ZNF778: variants seen among roughly 807,000 people sequenced by gnomAD.
ZNF778 encodes zinc finger protein 778.
A neutral mutation model predicts 23.9 loss-of-function variants in ZNF778; 37 were observed. That is an observed-to-expected ratio of 1.54 (90% CI 1.19 to 2.03). The LOEUF is 2.03. ZNF778 is among the 30% of genes most tolerant of loss of function. The pLI is 0.00. For synonymous variants in ZNF778, 483 were observed against 343.9 expected, an observed-to-expected ratio of 1.40 and a Z score of -4.48; for missense variants, 1,297 against 934.4, an observed-to-expected ratio of 1.39 and a Z score of -5.06.
Position 89,228,859 on chromosome 16 carries a change from C to T in ZNF778, c.*297C>T. On this transcript the variant is annotated 3_prime_UTR_variant, in exon 7 of 7. Coordinates refer to ENST00000433976, the MANE Select transcript of ZNF778 (RefSeq NM_001201407.2). ...CAGTACTTTGATGATCCCTTGTGATCTCACAATGAAGAAAAACCTTAGGAG... is the reference window on the plus strand; with the variant it reads ...CAGTACTTTGATGATCCCTTGTGATTTCACAATGAAGAAAAACCTTAGGAG... 1 of 1,086,308 alleles carries T rather than the reference C, an allele frequency of 9.2e-7. No individual in the cohort carries two copies. Among genetic ancestry groups the T allele is most frequent in the Non-Finnish European group, 1.1e-6 (1 of 894,810 alleles). The allele number at this position is 1,086,308 out of a possible 1,614,324, so 67.3% of individuals were successfully genotyped here.
At position 89,233,654 on chromosome 16, in the gene ZNF778, T is replaced by G. The variant is rs1286587800; in HGVS notation, c.*5092T>G. ...TATGCAACTCAGCTCGCTCTGCATA[T>G]GCAATTCAACTCGCACTGCGTATGC... On this transcript the variant is annotated 3_prime_UTR_variant, in exon 7 of 7. Coordinates refer to ENST00000433976, the MANE Select transcript of ZNF778 (RefSeq NM_001201407.2). 4.7e-6 allele frequency: 6 copies of G among 1,282,778 alleles called. No individual in the cohort carries two copies. The highest frequency in any genetic ancestry group is 6.1e-6 in the Non-Finnish European group (6 of 985,422). The allele number at this position is 1,282,778 out of a possible 1,614,324, so 79.5% of individuals were successfully genotyped here.
chr16:89,232,680 G>T lies in ZNF778; in HGVS notation c.*4118G>T. 8.1e-7 allele frequency: 1 copy of T among 1,235,284 alleles called. No homozygotes were observed. Among genetic ancestry groups the T allele is most frequent in the Non-Finnish European group, 1.0e-6 (1 of 959,734 alleles). 76.5% of individuals were successfully genotyped at this position (1,235,284 alleles called of 1,614,324 possible). On this transcript the variant is annotated 3_prime_UTR_variant, in exon 7 of 7. Transcript: ENST00000433976. ...TTGTTAGGGTACATTTTCATCCTGG[G>T]GTCTTGCTGTGGGGGCTAGACCGTC... is the stretch of plus-strand genomic sequence containing the variant.
chr16:89,222,287 G>A (rs148835367), intron 3 of ZNF778, 104 bp downstream of exon 3: 16 of 801,600 alleles, frequency 2.0e-5, no homozygotes, highest in African/African-American at 1.2e-4. Context: ...CTCAAGGACC[G>A]AGTCCCTAGT....
chr16:89,232,469 C>T lies in ZNF778; in HGVS notation c.*3907C>T. ...GCATGATGGAAAACTGGGTTATGGG[C>T]AGGACTGCAAGTACTGGTTAGGCAG... On this transcript the variant is annotated 3_prime_UTR_variant, in exon 7 of 7. Coordinates refer to ENST00000433976, the MANE Select transcript of ZNF778 (RefSeq NM_001201407.2). The T allele has an allele frequency of 2.5e-6, 1 of 405,894 alleles. No homozygotes were observed. Among genetic ancestry groups the T allele is most frequent in the Non-Finnish European group, 4.2e-6 (1 of 235,498 alleles). 25.1% of individuals were successfully genotyped at this position (405,894 alleles called of 1,614,324 possible). A position where few individuals can be genotyped will look rare whatever the true frequency, so the allele number is the denominator to read the frequency against.
At chr16:89,226,470 T>C (rs1260799372) in intron 6 of ZNF778, among the ~76,000 whole-genome samples, 1 of 152,120 alleles carries the variant, frequency 6.6e-6, no homozygotes, top group African/African-American at 2.4e-5. Context: ...CTCCCAAAGT[T>C]CTGGGATTAC....
At position 89,231,685 on chromosome 16, in the gene ZNF778, A is replaced by C. The variant is rs2031933663; in HGVS notation, c.*3123A>C. 1 of 152,124 alleles carries C rather than the reference A, an allele frequency of 6.6e-6. No homozygotes were observed. Among genetic ancestry groups the C allele is most frequent in the South Asian group, 2.1e-4 (1 of 4,824 alleles). The allele number at this position is 152,124 out of a possible 1,614,324, so 9.4% of individuals were successfully genotyped here. ...CCCTGCACCCCTTGCCTGTAGGAAA[A>C]TCTGGTAGGAGTTAGTAGTGTCTGT... On this transcript the variant is annotated 3_prime_UTR_variant, in exon 7 of 7. Coordinates refer to ENST00000433976, the MANE Select transcript of ZNF778 (RefSeq NM_001201407.2).
chr16:89,232,874 CGTATG>C lies in ZNF778; in HGVS notation c.*4313_*4317del, dbSNP rs1567514521. The stretch of plus-strand genomic sequence containing the variant: ...CGTGTATGCAAATCAACTCGCACTG[CGTATG>C]CAACTCAACTCGCACTGCGTATGCA... On this transcript the variant is annotated 3_prime_UTR_variant, in exon 7 of 7. Coordinates refer to ENST00000433976, the MANE Select transcript of ZNF778 (RefSeq NM_001201407.2). 18 of 1,211,464 alleles carry C rather than the reference CGTATG, an allele frequency of 1.5e-5. No individual in the cohort carries two copies. The African/African-American group carries it at 4.1e-4, about 27-fold the overall frequency. The allele number at this position is 1,211,464 out of a possible 1,614,324, so 75.0% of individuals were successfully genotyped here.
Position 89,234,003 on chromosome 16 carries a change from T to G in ZNF778, c.*5441T>G. The G allele has an allele frequency of 2.5e-6, 3 of 1,188,918 alleles. No individual in the cohort carries two copies. Among genetic ancestry groups the G allele is most frequent in the Non-Finnish European group, 3.3e-6 (3 of 897,160 alleles). 73.6% of individuals were successfully genotyped at this position (1,188,918 alleles called of 1,614,324 possible). A position where few individuals can be genotyped will look rare whatever the true frequency, so the allele number is the denominator to read the frequency against. On this transcript the variant is annotated 3_prime_UTR_variant, in exon 7 of 7. Coordinates refer to ENST00000433976, the MANE Select transcript of ZNF778 (RefSeq NM_001201407.2). ...GACTTCATCCTGCCCTGTCCTGCCT[T>G]TCCTGTGAAAACCCTGTGGCCTCTG...
rs772435893 is a variant in ZNF778 at position 89,227,716 on chromosome 16, A to G, written c.1428A>G (p.Pro476=). 1.2e-5 allele frequency: 20 copies of G among 1,613,574 alleles called. No individual in the cohort carries two copies. Among genetic ancestry groups the G allele is most frequent in the Middle Eastern group, 1.7e-4 (1 of 6,058 alleles). The change falls in exon 7 of 7, where the codon CCA becomes CCG. Residue 476 remains proline (P), a synonymous_variant. Transcript: ENST00000433976. ...TAAGGACTCACACTGGAGAGAAACC[A>G]TATGAATGTAAAGATTGTGGGAAAT... ...EHVRTHTGEK[P]YECKDCGKSF... is the part of the protein sequence containing the mutation.
rs1468404626 is a variant in ZNF778 at position 89,228,291 on chromosome 16, C to T, written c.2003C>T (p.Thr668Ile). The T allele has an allele frequency of 1.9e-6, 3 of 1,605,520 alleles. No individual in the cohort carries two copies. Among genetic ancestry groups the T allele is most frequent in the Admixed American group, 1.7e-5 (1 of 59,672 alleles). Reference protein sequence around the residue: ...SHLIEHRRTHTGEKPYICNEC... With the variant: ...SHLIEHRRTHIGEKPYICNEC... ...CTTATCGAACACAGAAGGACTCACA[C>T]AGGAGAGAAACCTTACATATGTAAC... Residue 668 changes from threonine to isoleucine, a missense_variant, in exon 7 of 7, where the codon ACA becomes ATA. Coordinates refer to ENST00000433976, the MANE Select transcript of ZNF778 (RefSeq NM_001201407.2).
intron 1 of ZNF778, 75 bp from the exon 2 acceptor site, chr16:89,220,922 A>G (rs931348483): frequency 1.5e-5 from 9 of 583,784 alleles, no homozygotes; most frequent in African/African-American, 1.3e-4. Context: ...GCTTTCACAT[A>G]TATCATCTGC....
In ZNF778 at chr16:89,228,664, C is replaced by T; in HGVS notation, c.*102C>T. ...CCATGACTTGAGGAATGTGGCTAGG[C>T]AATCAGCATCTCATCACAACCCGGC... is the stretch of plus-strand genomic sequence containing the variant. On this transcript the variant is annotated 3_prime_UTR_variant, in exon 7 of 7. Transcript: ENST00000433976. The T allele has an allele frequency of 6.7e-7, 1 of 1,503,742 alleles. No homozygotes were observed. The highest frequency in any genetic ancestry group is 8.8e-7 in the Non-Finnish European group (1 of 1,132,478). 93.1% of individuals were successfully genotyped at this position (1,503,742 alleles called of 1,614,324 possible).
In ZNF778 at chr16:89,232,781, C is replaced by G. The variant is rs1261231862; in HGVS notation, c.*4219C>G. ...TGCACTGCATATACAAATCAACTCACTGCATATGCACATCAACTCACTGCA... is the reference window on the plus strand; with the variant it reads ...TGCACTGCATATACAAATCAACTCAGTGCATATGCACATCAACTCACTGCA... On this transcript the variant is annotated 3_prime_UTR_variant, in exon 7 of 7. Transcript: ENST00000433976. The G allele has an allele frequency of 7.8e-7, 1 of 1,274,016 alleles. No individual in the cohort carries two copies. Among genetic ancestry groups the G allele is most frequent in the African/African-American group, 1.9e-5 (1 of 52,492 alleles). The allele number at this position is 1,274,016 out of a possible 1,614,324, so 78.9% of individuals were successfully genotyped here. A position where few individuals can be genotyped will look rare whatever the true frequency, so the allele number is the denominator to read the frequency against.
chr16:89,226,396 G>A (rs2031475434), intron 6 of ZNF778, among the ~76,000 whole-genome samples: 2 of 152,092 alleles, frequency 1.3e-5, no homozygotes, highest in Non-Finnish European at 2.9e-5. Flanking sequence ...ATAGAGACGG[G>A]GTTTCTCCAT....
rs1034172083 is a variant in ZNF778, at chr16:89,236,730, A to G, written c.*8168A>G. Reference sequence around the variant, plus strand: ...CCGTGCTCCATTTCAGTGGCAAAATACCATTCCAGAAGGACTGGAAAAGCT... The same window carrying G: ...CCGTGCTCCATTTCAGTGGCAAAATGCCATTCCAGAAGGACTGGAAAAGCT... On this transcript the variant is annotated 3_prime_UTR_variant, in exon 7 of 7. Coordinates refer to ENST00000433976, the MANE Select transcript of ZNF778 (RefSeq NM_001201407.2). 1.3e-5 allele frequency: 2 copies of G among 152,182 alleles called. No homozygotes were observed. The highest frequency in any genetic ancestry group is 1.5e-5 in the Non-Finnish European group (1 of 68,030). 9.4% of individuals were successfully genotyped at this position (152,182 alleles called of 1,614,324 possible). A position where few individuals can be genotyped will look rare whatever the true frequency, so the allele number is the denominator to read the frequency against.
Position 89,232,885 on chromosome 16 carries a change from C to G in ZNF778, c.*4323C>G, listed in dbSNP as rs139406484. Reference sequence around the variant, plus strand: ...ATCAACTCGCACTGCGTATGCAACTCAACTCGCACTGCGTATGCAACTCAA... The same window carrying G: ...ATCAACTCGCACTGCGTATGCAACTGAACTCGCACTGCGTATGCAACTCAA... On this transcript the variant is annotated 3_prime_UTR_variant, in exon 7 of 7. Coordinates refer to ENST00000433976, the MANE Select transcript of ZNF778 (RefSeq NM_001201407.2). 5.5e-4 allele frequency: 694 copies of G among 1,272,336 alleles called. 4 individuals are homozygous for G. In the African/African-American group the frequency reaches 9.7e-3, roughly 18 times the overall value. The allele number at this position is 1,272,336 out of a possible 1,614,324, so 78.8% of individuals were successfully genotyped here. A position where few individuals can be genotyped will look rare whatever the true frequency, so the allele number is the denominator to read the frequency against.
In ZNF778 at chr16:89,234,283, G is replaced by A; in HGVS notation, c.*5721G>A. ...CAGCCCAGGGATTCTTGAACTATCTGTAGGAACTGCCATGTTGACTCCTGG... is the reference window on the plus strand; with the variant it reads ...CAGCCCAGGGATTCTTGAACTATCTATAGGAACTGCCATGTTGACTCCTGG... On this transcript the variant is annotated 3_prime_UTR_variant, in exon 7 of 7. Coordinates refer to ENST00000433976, the MANE Select transcript of ZNF778 (RefSeq NM_001201407.2). 2.9e-6 allele frequency: 1 copy of A among 347,844 alleles called. No homozygotes were observed. The highest frequency in any genetic ancestry group is 5.7e-6 in the Non-Finnish European group (1 of 176,294). The allele number at this position is 347,844 out of a possible 1,614,324, so 21.5% of individuals were successfully genotyped here.
chr16:89,222,554 G>C (rs2031059603), intron 3 of ZNF778, among the ~76,000 whole-genome samples: 1 of 152,178 alleles, frequency 6.6e-6, no homozygotes, highest in African/African-American at 2.4e-5. Context: ...AGTAGAGACG[G>C]GGTTTTGCCA....
rs982685356 is a variant in ZNF778, at chr16:89,229,346, G to A, written c.*784G>A. The A allele has an allele frequency of 6.6e-5, 65 of 985,148 alleles. 1 individual carries two copies. The highest frequency in any genetic ancestry group is 1.2e-5 in the Non-Finnish European group (10 of 830,028). 61.0% of individuals were successfully genotyped at this position (985,148 alleles called of 1,614,324 possible). A position where few individuals can be genotyped will look rare whatever the true frequency, so the allele number is the denominator to read the frequency against. On this transcript the variant is annotated 3_prime_UTR_variant, in exon 7 of 7. Transcript: ENST00000433976. ...CTGGTTGGTTAGTCTTCAGGATCCA[G>A]ATGTGATCTTGTGTGAGCACTGTAG... is the stretch of plus-strand genomic sequence containing the variant.
Sources: allele counts gnomAD v4.1 joint callset (sites outside exome capture counted in the v4.1 genomes callset), GRCh38; gene constraint gnomAD v4.1.1; transcripts MANE v1.5; gene names NCBI Gene and HGNC (gene_info 2026-07-23, HGNC 2026-07-21).